Variants in C5AR1 observed in about 807,000 individuals in gnomAD.
C5AR1 encodes complement C5a receptor 1.
A neutral mutation model predicts 2.4 loss-of-function variants in C5AR1; 4 were observed. The observed-to-expected ratio is 1.65, with a 90% CI of 0.81 to 3.77. The LOEUF is 3.77. Among genes scored for constraint, C5AR1 ranks in the 30% most tolerant of loss-of-function variants. The pLI, the probability that C5AR1 is intolerant of heterozygous loss-of-function variation, is 0.01. For synonymous variants in C5AR1, 209 were observed against 210.4 expected (o/e 0.99, Z 0.06); for missense variants, 418 against 462.5 (o/e 0.90, Z 0.88).
intron 1 of C5AR1, among the ~76,000 whole-genome samples, chr19:47,313,475 G>A (rs747224506): frequency 8.5e-4 from 129 of 151,268 alleles, no homozygotes; most frequent in Non-Finnish European, 1.5e-3. Flanking sequence ...TGGGCTGGGC[G>A]CGGTGGCTCA....
intron 1 of C5AR1, among the ~76,000 whole-genome samples, chr19:47,311,657 C>T (rs1001263261): frequency 8.5e-5 from 13 of 152,098 alleles, no homozygotes; most frequent in Non-Finnish European, 1.3e-4. Flanking sequence ...CTCTGCCTCG[C>T]GGCTTCAAGC....
At chr19:47,317,236 G>C (rs2059292513) in intron 1 of C5AR1, among the ~76,000 whole-genome samples, 1 of 151,156 alleles carries the variant, frequency 6.6e-6, no homozygotes, top group Non-Finnish European at 1.5e-5. Context: ...GCTGGGCGTG[G>C]TGGTTCATGC....
Position 47,317,245 on chromosome 19 carries a change from G to A in C5AR1, c.4-2536G>A, listed in dbSNP as rs111377368. ...AACGGGGCTGGGCGTGGTGGTTCAT[G>A]CCTGTAATCCCAGCACTTTGGGAGA... On this transcript the variant is annotated intron_variant, in intron 1 of 1. Transcript: ENST00000355085. Among the ~76,000 whole-genome samples, 1,207 of 149,372 alleles carry A rather than the reference G, an allele frequency of 8.1e-3. 11 individuals are homozygous for A. Among genetic ancestry groups the A allele is most frequent in the African/African-American group, 0.027 (1,105 of 40,602 alleles).
chr19:47,309,590 AATG>A (rs1165046551), upstream of C5AR1, among the ~76,000 whole-genome samples: 7 of 151,346 alleles, frequency 4.6e-5, no homozygotes, highest in African/African-American at 1.5e-4. Flanking sequence ...AAAAAAAAAA[AATG>A]AGAGAGAAGA....
intron 1 of C5AR1, among the ~76,000 whole-genome samples, chr19:47,311,844 G>A (rs1178896414): frequency 2.0e-5 from 3 of 151,984 alleles, no homozygotes. Context: ...GGGATTACAG[G>A]TATGAGCCAC....
At chr19:47,310,015 T>C (rs751215819) in intron 1 of C5AR1, 117 bp downstream of exon 1, 112 of 1,042,026 alleles carry the variant, frequency 1.1e-4, no homozygotes, top group Non-Finnish European at 1.5e-4. Context: ...GTCTCTCCCT[T>C]TCCTTCTCTC....
upstream of C5AR1, among the ~76,000 whole-genome samples, chr19:47,308,637 CCT>C (rs1446232479): frequency 6.6e-6 from 1 of 151,468 alleles, no homozygotes; most frequent in African/African-American, 2.4e-5. Flanking sequence ...CTCACTGCAA[CCT>C]CCGCCTCCTG....
intron 1 of C5AR1, among the ~76,000 whole-genome samples, chr19:47,310,596 TCCTC>T (rs1352720663): frequency 6.6e-6 from 1 of 152,158 alleles, no homozygotes; most frequent in African/African-American, 2.4e-5. Flanking sequence ...GCTCAAGTGA[TCCTC>T]CCTCTTTAGC....
intron 1 of C5AR1, among the ~76,000 whole-genome samples, chr19:47,317,166 C>T (rs1018598906): frequency 2.1e-4 from 30 of 145,708 alleles, no homozygotes; most frequent in Non-Finnish European, 4.5e-4. Context: ...GCACATAAGC[C>T]TGGGTGACAG....
chr19:47,312,119 T>G (rs1472160903), intron 1 of C5AR1, among the ~76,000 whole-genome samples: 1 of 152,086 alleles, frequency 6.6e-6, no homozygotes, highest in East Asian at 1.9e-4. Flanking sequence ...AGTGTCTTGC[T>G]CTGTTGCCCA....
intron 1 of C5AR1, among the ~76,000 whole-genome samples, chr19:47,310,613 C>A (rs900949624): frequency 1.3e-5 from 2 of 152,170 alleles, no homozygotes; most frequent in African/African-American, 4.8e-5. Context: ...TCTTTAGCCT[C>A]CTGAGTATCT....
chr19:47,321,066 C>G lies in C5AR1; in HGVS notation c.*236C>G, dbSNP rs201148720. 1 of 241,364 alleles carries G rather than the reference C, an allele frequency of 4.1e-6. No homozygotes were observed. The highest frequency in any genetic ancestry group is 7.4e-6 in the Non-Finnish European group (1 of 135,412). The allele number at this position is 241,364 out of a possible 1,614,324, so 15.0% of individuals were successfully genotyped here. Reference sequence around the variant, plus strand: ...GCACCCTCCCACCCCCCACCCCCCCCACACACACCATCTTTCCATCCCAGG... The same window carrying G: ...GCACCCTCCCACCCCCCACCCCCCCGACACACACCATCTTTCCATCCCAGG... On this transcript the variant is annotated 3_prime_UTR_variant, in exon 2 of 2. Coordinates refer to ENST00000355085, the MANE Select transcript of C5AR1 (RefSeq NM_001736.4).
chr19:47,312,476 CT>C (rs1318176552), intron 1 of C5AR1, among the ~76,000 whole-genome samples: 4 of 152,178 alleles, frequency 2.6e-5, no homozygotes, highest in Non-Finnish European at 5.9e-5. Flanking sequence ...ATGAAAAGTT[CT>C]TGTAGCAGTG....
At position 47,319,819 on chromosome 19, in the gene C5AR1, T is replaced by C. The variant is rs1216561304; in HGVS notation, c.42T>C (p.Tyr14=). Residue 14 remains tyrosine, a synonymous_variant, in exon 2 of 2, where the codon TAT becomes TAC. Transcript: ENST00000355085. ...FNYTTPDYGH[Y]DDKDTLDLNT... ...ATACCACCCCTGATTATGGGCACTA[T>C]GATGACAAGGATACCCTGGACCTCA... 3 of 1,613,698 alleles carry C rather than the reference T, an allele frequency of 1.9e-6. No homozygotes were observed. Among genetic ancestry groups the C allele is most frequent in the Middle Eastern group, 1.6e-4 (1 of 6,062 alleles).
rs774711155 is a variant in C5AR1 at position 47,320,059 on chromosome 19, G to A, written c.282G>A (p.Thr94=). ...LSCLALPILF[T]SIVQHHHWPF... is the part of the protein sequence containing the mutation. Reference sequence around the variant, plus strand: ...GCCTGGCGCTGCCCATCTTGTTCACGTCCATTGTACAGCATCACCACTGGC... The same window carrying A: ...GCCTGGCGCTGCCCATCTTGTTCACATCCATTGTACAGCATCACCACTGGC... Residue 94 remains threonine, a synonymous_variant, in exon 2 of 2, where the codon ACG becomes ACA. Coordinates refer to ENST00000355085, the MANE Select transcript of C5AR1 (RefSeq NM_001736.4). This position sits in a 1 kb window ranked among gnomAD's most constrained non-coding sequence, Gnocchi z 4.9. 1.2e-5 allele frequency: 20 copies of A among 1,614,052 alleles called. No individual in the cohort carries two copies. Among genetic ancestry groups the A allele is most frequent in the African/African-American group, 1.3e-5 (1 of 74,954 alleles).
Position 47,320,019 on chromosome 19 carries a change from C to T in C5AR1, c.242C>T (p.Ala81Val). 6.2e-7 allele frequency: 1 copy of T among 1,614,224 alleles called. No individual in the cohort carries two copies. Among genetic ancestry groups the T allele is most frequent in the Non-Finnish European group, 8.5e-7 (1 of 1,180,050 alleles). Reference protein sequence around the residue: ...NAIWFLNLAVADFLSCLALPI... With the variant: ...NAIWFLNLAVVDFLSCLALPI... ...ATCTGGTTCCTCAACTTGGCGGTAG[C>T]CGACTTCCTCTCCTGCCTGGCGCTG... Residue 81 changes from alanine (A) to valine (V), a missense_variant, in exon 2 of 2, where the codon GCC (alanine) becomes GTC (valine). Ala to Val is a moderately conservative substitution (Grantham distance 64). Coordinates refer to ENST00000355085, the MANE Select transcript of C5AR1 (RefSeq NM_001736.4). This position sits in a 1 kb window ranked among gnomAD's most constrained non-coding sequence, Gnocchi z 4.9.
chr19:47,312,019 C>T (rs2059272602), intron 1 of C5AR1, among the ~76,000 whole-genome samples: 1 of 152,212 alleles, frequency 6.6e-6, no homozygotes, highest in Admixed American at 6.6e-5. Context: ...AACCCCAAAA[C>T]CGAGCTCAGC....
intron 1 of C5AR1, among the ~76,000 whole-genome samples, chr19:47,319,304 A>ATT (rs34731685): frequency 0.064 from 5,985 of 94,048 alleles, 558 homozygotes; most frequent in Middle Eastern, 0.16. Context: ...GAATCATTTC[A>ATT]TTTTTTTTTT....
chr19:47,320,762 GTTA>G lies in C5AR1; in HGVS notation c.986_988del (p.Val329_Arg330delinsGly), dbSNP rs1418344890. On this transcript the variant is annotated inframe_deletion, in exon 2 of 2. Coordinates refer to ENST00000355085, the MANE Select transcript of C5AR1 (RefSeq NM_001736.4). This position sits in a 1 kb window ranked among gnomAD's most constrained non-coding sequence, Gnocchi z 4.9. ...GAACGTGTTGACTGAAGAGTCCGTG[GTTA>G]GGGAGAGCAAGTCATTCACGCGCTC... is the stretch of plus-strand genomic sequence containing the variant. The G allele has an allele frequency of 6.2e-7, 1 of 1,614,000 alleles. No individual in the cohort carries two copies. The highest frequency in any genetic ancestry group is 1.7e-5 in the Admixed American group (1 of 59,988).
Sources: gnomAD v4.1 joint callset for allele counts (sites outside exome capture counted in the v4.1 genomes callset) on GRCh38, gnomAD v4.1.1 for gene constraint, Gnocchi (gnomAD v3.1) non-coding constraint, MANE v1.5 for transcripts, NCBI Gene and HGNC (gene_info 2026-07-23, HGNC 2026-07-21) for gene names.